The following NT5C1B variants were observed in gnomAD, a reference collection of about 807,000 sequenced individuals.
The protein encoded by NT5C1B is cytosolic 5'-nucleotidase 1B.
A neutral mutation model predicts 57.8 loss-of-function variants in NT5C1B; 44 were observed. The ratio of observed to expected loss-of-function variants is 0.76; its 90% CI spans 0.60 to 0.98. The LOEUF (loss-of-function observed/expected upper bound fraction) is 0.98, where lower values mean the gene tolerates loss of function less well. Among genes scored for constraint, NT5C1B ranks in the 50% least tolerant of loss-of-function variants. The pLI, the probability that NT5C1B is intolerant of heterozygous loss-of-function variation, is 0.00. For synonymous variants in NT5C1B, 284 were observed against 282.6 expected (o/e 1.00, Z -0.05); for missense variants, 742 against 719.5 (o/e 1.03, Z -0.36).
intron 3 of NT5C1B, 34 bp downstream of exon 3, chr2:18,586,220 A>G (rs371029494): frequency 4.4e-6 from 7 of 1,606,018 alleles, no homozygotes; most frequent in African/African-American, 2.7e-5. Flanking sequence ...TTATTATTCT[A>G]TCATCTACTA....
At chr2:18,585,489 G>A (rs1666618137) in intron 3 of NT5C1B, among the ~76,000 whole-genome samples, 1 of 152,168 alleles carries the variant, frequency 6.6e-6, no homozygotes, top group Non-Finnish European at 1.5e-5. Flanking sequence ...CTCCCCATGT[G>A]AATGATGTAG....
chr2:18,588,347 T>C (rs1047716189), intron 1 of NT5C1B, among the ~76,000 whole-genome samples: 8 of 152,228 alleles, frequency 5.3e-5, no homozygotes, highest in African/African-American at 1.2e-4. Flanking sequence ...GTTATTTATA[T>C]GTTTAAGGAG....
At chr2:18,580,690 AC>A (rs1666108961) in intron 6 of NT5C1B, among the ~76,000 whole-genome samples, 1 of 152,200 alleles carries the variant, frequency 6.6e-6, no homozygotes, top group Non-Finnish European at 1.5e-5. Context: ...CATGTAATCA[AC>A]CTAAATGCCC....
Position 18,585,259 on chromosome 2 carries a change from C to T in NT5C1B, c.259-281G>A, listed in dbSNP as rs990490391. The T allele has an allele frequency of 1.1e-5, 8 of 701,564 alleles. No homozygotes were observed. The African/African-American group carries it at 1.4e-4, about 12-fold the overall frequency. The allele number at this position is 701,564 out of a possible 1,614,324, so 43.5% of individuals were successfully genotyped here. ...GAGTAGATAGGACCCAGTCCTCTTC[C>T]TCCCCCTTAGGCAGCTGACACATGG... On this transcript the variant is annotated intron_variant, in intron 3 of 8. Transcript: ENST00000304081.
At chr2:18,563,101 C>T (rs991598564) in exon 9 of NT5C1B, 1 of 151,328 alleles carries the variant, frequency 6.6e-6, no homozygotes, top group African/African-American at 2.4e-5. Flanking sequence ...ATGGATGTGC[C>T]AGCCTGCCAG....
chr2:18,582,164 T>A (rs1666241695), intron 6 of NT5C1B, among the ~76,000 whole-genome samples: 1 of 152,216 alleles, frequency 6.6e-6, no homozygotes, highest in Non-Finnish European at 1.5e-5. Context: ...AAATTTAAAA[T>A]GTGCTTCAAT....
At chr2:18,579,592 A>G (rs1666000405) in intron 6 of NT5C1B, among the ~76,000 whole-genome samples, 1 of 152,138 alleles carries the variant, frequency 6.6e-6, no homozygotes, top group African/African-American at 2.4e-5. Context: ...GCTATATGCC[A>G]AAGATTGAAA....
At chr2:18,588,635 T>G (rs1047214486) in intron 1 of NT5C1B, among the ~76,000 whole-genome samples, 3 of 152,222 alleles carry the variant, frequency 2.0e-5, no homozygotes, top group African/African-American at 7.2e-5. Context: ...ATCTCTATTA[T>G]CATTGCCTTG....
At chr2:18,567,091 A>G (rs1664710760) in intron 8 of NT5C1B, among the ~76,000 whole-genome samples, 1 of 152,190 alleles carries the variant, frequency 6.6e-6, no homozygotes, top group Admixed American at 6.5e-5. Flanking sequence ...CAAGAAGTAC[A>G]CACTCTCTTT....
chr2:18,585,104 T>C (rs746645017), intron 3 of NT5C1B, 126 bp from the exon 4 acceptor site: 13 of 1,271,254 alleles, frequency 1.0e-5, no homozygotes, highest in Non-Finnish European at 1.4e-5. Context: ...GCTCCTTAAG[T>C]AGGGCTTAAG....
At chr2:18,569,538 A>G (rs1206458922) in intron 8 of NT5C1B, among the ~76,000 whole-genome samples, 5 of 152,180 alleles carry the variant, frequency 3.3e-5, no homozygotes, top group South Asian at 4.1e-4. Context: ...AGACATAGAT[A>G]AAAGTATAGA....
In NT5C1B at chr2:18,565,637, G is replaced by A. The variant is rs140528902; in HGVS notation, c.1330-1518C>T. 3.4e-3 allele frequency among the ~76,000 whole-genome samples: 511 copies of A among 152,138 alleles called. 3 individuals are homozygous for A. Among genetic ancestry groups the A allele is most frequent in the African/African-American group, 0.012 (478 of 41,516 alleles). On this transcript the variant is annotated intron_variant, in intron 8 of 8. Coordinates refer to ENST00000304081, the Ensembl canonical transcript of NT5C1B. The stretch of plus-strand genomic sequence containing the variant: ...AATTATTTCTTCATTTTGAAGCCCA[G>A]TAATTTCACTAGGCCATGTCTCAGT...
intron 1 of NT5C1B, 67 bp downstream of exon 1, chr2:18,589,372 A>G: frequency 6.2e-7 from 1 of 1,608,828 alleles, no homozygotes; most frequent in Non-Finnish European, 8.5e-7. Flanking sequence ...TGCAGAGGCA[A>G]ATGATGGACT....
Position 18,571,718 on chromosome 2 carries a change from G to GTA in NT5C1B, c.1329+4464_1329+4465dup, listed in dbSNP as rs59799495. On this transcript the variant is annotated intron_variant, in intron 8 of 8. Coordinates refer to ENST00000304081, the Ensembl canonical transcript of NT5C1B. ...TCTCTCTCTTTCTCTCTGTGTGTGT[G>GTA]TATATATATATATATATATATATAT... Among the ~76,000 whole-genome samples the GTA allele has an allele frequency of 4.3e-3, 480 of 111,232 alleles. 4 individuals carry two copies. Among genetic ancestry groups the GTA allele is most frequent in the East Asian group, 0.015 (42 of 2,878 alleles). The allele number at this position is 111,232 out of a possible 152,430, so 73.0% of individuals were successfully genotyped here.
chr2:18,567,414 CATGGCAAGATCCAGG>C (rs1459628154), intron 8 of NT5C1B, among the ~76,000 whole-genome samples: 1 of 152,038 alleles, frequency 6.6e-6, no homozygotes, highest in Admixed American at 6.5e-5. Flanking sequence ...ATCACTGGGG[CATGGCAAGATCCAGG>C]ATGTTCATCC....
intron 8 of NT5C1B, among the ~76,000 whole-genome samples, chr2:18,572,083 C>CAAAA (rs34186303): frequency 1.0e-5 from 1 of 97,434 alleles, no homozygotes; most frequent in African/African-American, 4.0e-5. Context: ...GAGACTCTGT[C>CAAAA]AAAAAAAAAA....
At chr2:18,573,436 A>C (rs555038319) in intron 8 of NT5C1B, among the ~76,000 whole-genome samples, 3 of 147,468 alleles carry the variant, frequency 2.0e-5, no homozygotes, top group Admixed American at 2.0e-4. Context: ...TATACCTCAA[A>C]AATTCTGATA....
intron 2 of NT5C1B, chr2:18,586,718 C>T (rs902936535): frequency 3.7e-5 from 22 of 588,388 alleles, no homozygotes; most frequent in Admixed American, 1.6e-4. Flanking sequence ...CTTCTTCCCT[C>T]GAGGATAAGC....
At chr2:18,583,967 A>G (rs1302225088) in intron 5 of NT5C1B, 121 bp downstream of exon 5, 1 of 1,566,256 alleles carries the variant, frequency 6.4e-7, no homozygotes, top group Non-Finnish European at 8.8e-7. Flanking sequence ...CTAGAAGGAG[A>G]CAAGAATGAC....
Sources: gnomAD v4.1 joint callset for allele counts (sites outside exome capture counted in the v4.1 genomes callset) on GRCh38, gnomAD v4.1.1 for gene constraint, MANE v1.5 for transcripts, NCBI Gene and HGNC (gene_info 2026-07-23, HGNC 2026-07-21) for gene names.